MICAL2: variants seen among roughly 807,000 people sequenced by gnomAD.
MICAL2 encodes the protein [F-actin]-monooxygenase MICAL2.
Under a neutral mutation model 127.3 loss-of-function variants are expected in MICAL2, and 77 were observed. The ratio of observed to expected loss-of-function variants is 0.60; its 90% CI spans 0.50 to 0.73. The LOEUF (loss-of-function observed/expected upper bound fraction) is 0.73. MICAL2 is among the 30% of genes least tolerant of loss of function. MICAL2 has a pLI of 0.00. For missense variants in MICAL2, 1,351 were observed against 1,434.4 expected (o/e 0.94, Z 0.94); for synonymous variants, 570 against 551.1 (o/e 1.03, Z -0.48).
At chr11:12,222,880 C>G (rs756432837) in intron 11 of MICAL2, 137 bp downstream of exon 11, 87 of 1,107,162 alleles carry the variant, frequency 7.9e-5, no homozygotes, top group Non-Finnish European at 1.1e-4. Flanking sequence ...AATGGTGGGA[C>G]CAGTTCTTCT....
At chr11:12,258,097 A>C (rs1862573184) in intron 24 of MICAL2, among the ~76,000 whole-genome samples, 1 of 152,154 alleles carries the variant, frequency 6.6e-6, no homozygotes, top group South Asian at 2.1e-4. Flanking sequence ...TAAAGGATGC[A>C]GAGGAGCAGC....
At chr11:12,272,451 G>T (rs113669418), upstream of MICAL2, among the ~76,000 whole-genome samples, 519 of 152,308 alleles carry the variant, frequency 3.4e-3, 3 homozygotes, top group African/African-American at 0.011. Context: ...TTGAAGGCAG[G>T]GATTGTGGTG....
chr11:12,354,090 C>T (rs1298386175), intron 33 of MICAL2, among the ~76,000 whole-genome samples: 1 of 152,244 alleles, frequency 6.6e-6, no homozygotes, highest in Non-Finnish European at 1.5e-5. Flanking sequence ...TTGCAGCCTT[C>T]AGCTGCTCCC....
rs117043259 is a variant in MICAL2, at chr11:12,284,745, A to G, written c.255-2342A>G. 7.2e-4 allele frequency among the ~76,000 whole-genome samples: 109 copies of G among 152,206 alleles called. 1 individual carries two copies. The East Asian group carries it at 0.019, about 27-fold the overall frequency. On this transcript the variant is annotated intron_variant, in intron 2 of 2. Transcript: ENST00000529028. The stretch of plus-strand genomic sequence containing the variant: ...GCCTGGAAAGCCCAGGCAGCCAGCA[A>G]TTGGGGGGTGGGCTATTCATCTCCT...
rs143953718 is a variant in MICAL2, at chr11:12,319,619, G to A, written c.5213-77G>A. 5 of 1,042,850 alleles carry A rather than the reference G, an allele frequency of 4.8e-6. No homozygotes were observed. The African/African-American group carries it at 6.3e-5, about 13-fold the overall frequency. 64.6% of individuals were successfully genotyped at this position (1,042,850 alleles called of 1,614,324 possible). On this transcript the variant is annotated intron_variant, in intron 29 of 34. Transcript: ENST00000646065. ...GAAGGGAATGAGAGTAAGTGGGGGAGGAGGAAGCAGCAGCTTTGGTTCATA... is the reference window on the plus strand; with the variant it reads ...GAAGGGAATGAGAGTAAGTGGGGGAAGAGGAAGCAGCAGCTTTGGTTCATA...
At chr11:12,209,051 G>A (rs540566886) in intron 5 of MICAL2, among the ~76,000 whole-genome samples, 3 of 152,122 alleles carry the variant, frequency 2.0e-5, no homozygotes, top group African/African-American at 7.2e-5. Context: ...ACAGTGTAGT[G>A]TACAACAGAA....
At chr11:12,271,685 T>C (rs1180798922), upstream of MICAL2, among the ~76,000 whole-genome samples, 1 of 152,188 alleles carries the variant, frequency 6.6e-6, no homozygotes, top group East Asian at 1.9e-4. Context: ...CTAGTGCCAC[T>C]AGTATTACTA....
At chr11:12,281,697 TGC>T in intron 2 of MICAL2, among the ~76,000 whole-genome samples, 1 of 152,204 alleles carries the variant, frequency 6.6e-6, no homozygotes, top group African/African-American at 2.4e-5. Context: ...GGGTAACTAG[TGC>T]GAAGCCTGTT....
intron 1 of MICAL2, among the ~76,000 whole-genome samples, chr11:12,115,473 G>A (rs946706359): frequency 6.6e-6 from 1 of 152,008 alleles, no homozygotes; most frequent in Non-Finnish European, 1.5e-5. Context: ...ACACAGACAG[G>A]CTTTTAATTT....
chr11:12,176,391 G>A (rs903310763), intron 3 of MICAL2, among the ~76,000 whole-genome samples: 1 of 152,212 alleles, frequency 6.6e-6, no homozygotes, highest in African/African-American at 2.4e-5. Flanking sequence ...TAAAGGCTAT[G>A]TGAGAAAACA....
intron 15 of MICAL2, among the ~76,000 whole-genome samples, chr11:12,231,080 A>G (rs1858194303): frequency 6.6e-6 from 1 of 152,248 alleles, no homozygotes; most frequent in African/African-American, 2.4e-5. Flanking sequence ...CAGGGCGTCT[A>G]TCATGCCTGT....
chr11:12,286,371 A>G lies in MICAL2; in HGVS notation c.255-716A>G, dbSNP rs999367602. ...AATGTATTACATATATGGAACATTG[A>G]TGGCCCGTGATGACCTTAGCTTTAA... On this transcript the variant is annotated intron_variant, in intron 2 of 2. Coordinates refer to the MICAL2 transcript ENST00000529028. 2.6e-5 allele frequency among the ~76,000 whole-genome samples: 4 copies of G among 152,350 alleles called. No homozygotes were observed. The East Asian group carries it at 5.8e-4, about 22-fold the overall frequency.
At position 12,319,654 on chromosome 11, in the gene MICAL2, A is replaced by G. The variant is rs1312145561; in HGVS notation, c.5213-42A>G. The G allele has an allele frequency of 3.5e-6, 5 of 1,424,448 alleles. No individual in the cohort carries two copies. The African/African-American group carries it at 5.6e-5, about 16-fold the overall frequency. 88.2% of individuals were successfully genotyped at this position (1,424,448 alleles called of 1,614,324 possible). Reference sequence around the variant, plus strand: ...GCAGCTTTGGTTCATAAAGCAGGAAATGAAGCTAGCAGTTCATTGAGTTTT... The same window carrying G: ...GCAGCTTTGGTTCATAAAGCAGGAAGTGAAGCTAGCAGTTCATTGAGTTTT... On this transcript the variant is annotated intron_variant, in intron 29 of 34. Coordinates refer to the MICAL2 transcript ENST00000646065.
intron 9 of MICAL2, among the ~76,000 whole-genome samples, chr11:12,220,939 T>C (rs1226263312): frequency 6.6e-6 from 1 of 152,242 alleles, no homozygotes; most frequent in Non-Finnish European, 1.5e-5. Flanking sequence ...GATCCTTAGA[T>C]TAAATGAATG....
At chr11:12,329,897 T>C (rs1590740127) in intron 32 of MICAL2, among the ~76,000 whole-genome samples, 2 of 145,918 alleles carry the variant, frequency 1.4e-5, no homozygotes, top group African/African-American at 5.1e-5. Flanking sequence ...AAGAGAGAGC[T>C]AGTTTGAGTT....
intron 19 of MICAL2, 88 bp downstream of exon 19, chr11:12,242,520 C>G (rs1860120736): frequency 2.7e-6 from 4 of 1,455,414 alleles, no homozygotes; most frequent in Non-Finnish European, 3.8e-6. Context: ...TGGGTTCCTC[C>G]TCCCTCTGCC....
rs1379604476 is a variant in MICAL2, at chr11:12,239,481, G to A, written c.2110G>A (p.Gly704Arg). 1 of 1,614,096 alleles carries A rather than the reference G, an allele frequency of 6.2e-7. No individual in the cohort carries two copies. The highest frequency in any genetic ancestry group is 2.2e-5 in the East Asian group (1 of 44,898). The change falls in exon 17 of 28, where the codon GGG becomes AGG. Residue 704 changes from glycine (G) to arginine (R), a missense_variant. By Grantham distance (125) the Gly-to-Arg change is moderately radical (BLOSUM62 -2). Around this residue, in one of 2 missense-constraint regions of MICAL2, gnomAD observed 752 missense variants for 719.4 expected, o/e 1.05. Coordinates refer to ENST00000683283, the MANE Select transcript of MICAL2 (RefSeq NM_001282663.2). ...TAGCTTGGGCTCCAATCAAGAGTGTGGGAGCAGTAAGGAAGGTGGAAATCA... is the reference window on the plus strand; with the variant it reads ...TAGCTTGGGCTCCAATCAAGAGTGTAGGAGCAGTAAGGAAGGTGGAAATCA... ...SRSLGSNQEC[G>R]SSKEGGNQNK...
exon 31 of MICAL2, chr11:12,324,030 T>C: frequency 2.5e-6 from 4 of 1,613,092 alleles, no homozygotes; most frequent in Non-Finnish European, 3.4e-6. Context: ...ATGAAGCAGT[T>C]GGTTAAGCAA....
At chr11:12,337,030 T>A (rs1237223218) in intron 32 of MICAL2, among the ~76,000 whole-genome samples, 4 of 152,150 alleles carry the variant, frequency 2.6e-5, no homozygotes, top group African/African-American at 4.8e-5. Context: ...AAGGAATGGT[T>A]CCAGCTCCTC....
Sources: gnomAD v4.1 joint callset for allele counts (sites outside exome capture counted in the v4.1 genomes callset) on GRCh38, gnomAD v4.1.1 for gene constraint, gnomAD v4.1.1 regional missense constraint, MANE v1.5 for transcripts, NCBI Gene and HGNC (gene_info 2026-07-23, HGNC 2026-07-21) for gene names.